The following XPO1 variants were observed in gnomAD, a reference collection of about 807,000 sequenced individuals.
The protein encoded by XPO1 is exportin 1.
In XPO1, 5 loss-of-function variants were observed where a neutral mutation model predicts 133.3. The ratio of observed to expected loss-of-function variants is 0.04; its 90% CI spans 0.02 to 0.08. The LOEUF (loss-of-function observed/expected upper bound fraction) is 0.08, where lower values mean the gene tolerates loss of function less well. Ranked by LOEUF, XPO1 falls within the 10% of genes least tolerant of loss-of-function variation. The pLI, the probability that XPO1 is intolerant of heterozygous loss-of-function variation, is 1.00. For synonymous variants in XPO1, 419 were observed against 408.2 expected, an observed-to-expected ratio of 1.03 and a Z score of -0.32; for missense variants, 506 against 1,267.5, an observed-to-expected ratio of 0.40 and a Z score of 9.12.
At chr2:61,515,235 AT>A (rs1573189996) in intron 4 of XPO1, among the ~76,000 whole-genome samples, 1 of 152,218 alleles carries the variant, frequency 6.6e-6, no homozygotes, top group African/African-American at 2.4e-5. Flanking sequence ...GATAAAACTT[AT>A]CCAACTGTAC....
chr2:61,502,951 C>T (rs1346627168), intron 4 of XPO1, among the ~76,000 whole-genome samples: 1 of 130,744 alleles, frequency 7.6e-6, no homozygotes, highest in Admixed American at 8.1e-5. Flanking sequence ...GATTTGGTTC[C>T]ATGTGTTTCT....
At chr2:61,520,011 A>G (rs771339100) in intron 4 of XPO1, among the ~76,000 whole-genome samples, 2 of 152,148 alleles carry the variant, frequency 1.3e-5, no homozygotes, top group Non-Finnish European at 2.9e-5. Flanking sequence ...CTTCCCAACT[A>G]TAACACTGTG....
intron 4 of XPO1, among the ~76,000 whole-genome samples, chr2:61,513,990 G>A (rs918643789): frequency 2.0e-5 from 3 of 151,644 alleles, no homozygotes; most frequent in East Asian, 2.0e-4. Context: ...AGAGACCAGC[G>A]TGGCTAACAT....
At chr2:61,524,198 A>G (rs1992765) in intron 3 of XPO1, among the ~76,000 whole-genome samples, 93,492 of 151,992 alleles carry the variant, frequency 0.62, 28,845 homozygotes, top group Middle Eastern at 0.71. Context: ...TGCTTACAAT[A>G]TATCCTCTTG....
chr2:61,520,377 T>C (rs1331427462), intron 4 of XPO1, among the ~76,000 whole-genome samples: 2 of 152,122 alleles, frequency 1.3e-5, no homozygotes, highest in Non-Finnish European at 2.9e-5. Context: ...CTAAGTATGG[T>C]GGCTCATGCT....
At chr2:61,513,540 G>T (rs897317228) in intron 4 of XPO1, among the ~76,000 whole-genome samples, 1 of 151,058 alleles carries the variant, frequency 6.6e-6, no homozygotes, top group Non-Finnish European at 1.5e-5. Flanking sequence ...GACCAGGCTC[G>T]TCTCGAACTG....
At chr2:61,531,307 A>G (rs1699144880) in intron 2 of XPO1, among the ~76,000 whole-genome samples, 1 of 152,222 alleles carries the variant, frequency 6.6e-6, no homozygotes, top group Non-Finnish European at 1.5e-5. Context: ...TCTATTAACT[A>G]CTGCAGACAA....
At position 61,526,542 on chromosome 2, in the gene XPO1, AC is replaced by A. The variant is rs767957350; in HGVS notation, c.127-22del. 7.8e-6 allele frequency: 12 copies of A among 1,535,788 alleles called. No homozygotes were observed. In the Admixed American group the frequency reaches 1.4e-4, roughly 18 times the overall value. Reference sequence around the variant, plus strand: ...CTTTGCTAAAATATTATTAAAAAAAACAAAACTTAAGCTAATGTATTCTTTT... The same window carrying A: ...CTTTGCTAAAATATTATTAAAAAAAAAAAACTTAAGCTAATGTATTCTTTT... On this transcript the variant is annotated intron_variant, in intron 2 of 24. Transcript: ENST00000401558.
intron 16 of XPO1, among the ~76,000 whole-genome samples, chr2:61,491,034 A>C (rs768797860): frequency 6.6e-6 from 1 of 151,914 alleles, no homozygotes; most frequent in Admixed American, 6.6e-5. Flanking sequence ...GCAGGTGCCT[A>C]TAATTCCAGT....
At chr2:61,519,719 A>C (rs1037179994) in intron 4 of XPO1, among the ~76,000 whole-genome samples, 1 of 138,330 alleles carries the variant, frequency 7.2e-6, no homozygotes, top group Non-Finnish European at 1.6e-5. Flanking sequence ...AAAAAAAAAA[A>C]AAAACACCAC....
intron 4 of XPO1, among the ~76,000 whole-genome samples, chr2:61,509,604 C>G (rs1336927479): frequency 6.6e-6 from 1 of 151,266 alleles, no homozygotes; most frequent in East Asian, 1.9e-4. Flanking sequence ...CCAGCCTGGG[C>G]AACAAGAGCG....
At chr2:61,514,032 G>A (rs889956159) in intron 4 of XPO1, among the ~76,000 whole-genome samples, 6 of 151,598 alleles carry the variant, frequency 4.0e-5, no homozygotes, top group African/African-American at 1.2e-4. Context: ...CTAAAAATAC[G>A]AAAAAGTAGC....
intron 16 of XPO1, 105 bp from the exon 17 acceptor site, chr2:61,490,881 G>A: frequency 1.5e-6 from 2 of 1,361,248 alleles, no homozygotes; most frequent in Non-Finnish European, 2.0e-6. Context: ...TGGCCCAGGT[G>A]CAGTGGATCA....
chr2:61,517,209 AT>A, intron 4 of XPO1, among the ~76,000 whole-genome samples: 1 of 152,108 alleles, frequency 6.6e-6, no homozygotes, highest in Non-Finnish European at 1.5e-5. Flanking sequence ...CCTAAATGCC[AT>A]TTTTAAAAAG....
intron 4 of XPO1, among the ~76,000 whole-genome samples, chr2:61,511,667 G>A (rs1389117140): frequency 6.6e-6 from 1 of 152,172 alleles, no homozygotes; most frequent in Non-Finnish European, 1.5e-5. Flanking sequence ...CCAAACTGCT[G>A]GGATTGCAGG....
intron 4 of XPO1, among the ~76,000 whole-genome samples, chr2:61,513,871 G>GAATA (rs1381552455): frequency 6.6e-6 from 1 of 152,026 alleles, no homozygotes; most frequent in Non-Finnish European, 1.5e-5. Flanking sequence ...CTCAATAAGG[G>GAATA]AATAGCCCAA....
rs777549956 is a variant in XPO1 at position 61,492,896 on chromosome 2, A to G, written c.1384+19T>C. On this transcript the variant is annotated intron_variant, in intron 13 of 24. Coordinates refer to ENST00000401558, the MANE Select transcript of XPO1 (RefSeq NM_003400.4). The surrounding 1 kb of genome is among the most constrained non-coding windows in gnomAD (Gnocchi z 5.6). ...AATAGATTTATAAAGGTAAAGATTA[A>G]CAGTATTTATTAACTTACCCAATGT... 1 of 1,585,444 alleles carries G rather than the reference A, an allele frequency of 6.3e-7. No homozygotes were observed.
Position 61,478,900 on chromosome 2 carries a change from C to G in XPO1, c.3136G>C (p.Asp1046His). 4 of 1,614,170 alleles carry G rather than the reference C, an allele frequency of 2.5e-6. No individual in the cohort carries two copies. The highest frequency in any genetic ancestry group is 3.4e-6 in the Non-Finnish European group (4 of 1,180,028). The change falls in exon 25 of 25, where the codon GAT becomes CAT. Residue 1046 changes from aspartate to histidine, a missense_variant. Physicochemically the swap from Asp to His is moderately conservative, Grantham distance 81 (BLOSUM62 -1). Around this residue, in one of 6 missense-constraint regions of XPO1, gnomAD observed 203 missense variants for 365.9 expected, o/e 0.55. Transcript: ENST00000401558. ...ATTTGACGTTTATGTTTCTCTTCAT[C>G]AGCCTGCCGTAGGGCTATTTCTCTC... Reference protein sequence around the residue: ...EEREIALRQADEEKHKRQMSV... With the variant: ...EEREIALRQAHEEKHKRQMSV...
chr2:61,502,121 A>G, intron 5 of XPO1, 81 bp from the exon 6 acceptor site: 1 of 1,510,078 alleles, frequency 6.6e-7, no homozygotes. Flanking sequence ...ACAAATGATT[A>G]CAGCTCTACT....
Sources: allele counts gnomAD v4.1 joint callset (sites outside exome capture counted in the v4.1 genomes callset), GRCh38; gene constraint gnomAD v4.1.1; regional missense constraint gnomAD v4.1.1; non-coding constraint Gnocchi (gnomAD v3.1); transcripts MANE v1.5; gene names NCBI Gene and HGNC (gene_info 2026-07-23, HGNC 2026-07-21).